Variants in EYS observed in about 807,000 individuals in gnomAD.
EYS encodes the protein protein eyes shut homolog.
EYS carries 250 observed loss-of-function variants against 282.1 expected under a neutral mutation model. The ratio of observed to expected loss-of-function variants is 0.89; its 90% CI spans 0.80 to 0.98. The LOEUF (loss-of-function observed/expected upper bound fraction) is 0.98, where lower values mean the gene tolerates loss of function less well. EYS is among the 50% of genes least tolerant of loss of function. The probability of loss-of-function intolerance (pLI) is 0.00; values close to 1 mark genes in which losing one functional copy is unlikely to be tolerated. For synonymous variants in EYS, 1,355 were observed against 1,282.9 expected (o/e 1.06, Z -1.20); for missense variants, 4,016 against 3,709.0 (o/e 1.08, Z -2.15).
intron 11 of EYS, among the ~76,000 whole-genome samples, chr6:65,320,776 A>T (rs898783785): frequency 4.6e-5 from 7 of 151,850 alleles, no homozygotes; most frequent in Non-Finnish European, 8.8e-5. Context: ...GTGGCCCTTA[A>T]CAAGTGGCCT....
intron 2 of EYS, among the ~76,000 whole-genome samples, chr6:65,621,209 AG>A (rs1766477779): frequency 6.6e-6 from 1 of 152,142 alleles, no homozygotes; most frequent in Non-Finnish European, 1.5e-5. Flanking sequence ...TAGGTCGCTC[AG>A]GACTTGCTTT....
At position 65,187,580 on chromosome 6, in the gene EYS, T is replaced by C. The variant is rs187388110; in HGVS notation, c.2023+108283A>G. Reference sequence around the variant, plus strand: ...ATTTGAGAATCAGGGCTTATTCTGTTATTATTTTGTGTTTGCTATGTATTT... The same window carrying C: ...ATTTGAGAATCAGGGCTTATTCTGTCATTATTTTGTGTTTGCTATGTATTT... On this transcript the variant is annotated intron_variant, in intron 12 of 42. Coordinates refer to ENST00000503581, the MANE Select transcript of EYS (RefSeq NM_001142800.2). 7.8e-4 allele frequency among the ~76,000 whole-genome samples: 118 copies of C among 151,860 alleles called. 1 individual carries two copies. The highest frequency in any genetic ancestry group is 2.7e-3 in the African/African-American group (114 of 41,518).
At position 64,617,840 on chromosome 6, in the gene EYS, A is replaced by G. The variant is rs149083424; in HGVS notation, c.3569-307T>C. 7.7e-4 allele frequency among the ~76,000 whole-genome samples: 118 copies of G among 152,316 alleles called. 1 individual carries two copies. The highest frequency in any genetic ancestry group is 2.7e-3 in the African/African-American group (111 of 41,580). On this transcript the variant is annotated intron_variant, in intron 23 of 42. Coordinates refer to ENST00000503581, the MANE Select transcript of EYS (RefSeq NM_001142800.2). Reference sequence around the variant, plus strand: ...CTTATCCGTGGTGCCATTTAACATTACATATTCAAATGTCTTTACTTATTT... The same window carrying G: ...CTTATCCGTGGTGCCATTTAACATTGCATATTCAAATGTCTTTACTTATTT...
At chr6:64,250,813 G>A (rs940951105) in intron 30 of EYS, among the ~76,000 whole-genome samples, 1 of 152,102 alleles carries the variant, frequency 6.6e-6, no homozygotes, top group Non-Finnish European at 1.5e-5. Flanking sequence ...TGAGTTCTAA[G>A]GAAAGAACCA....
intron 8 of EYS, among the ~76,000 whole-genome samples, chr6:65,367,444 T>C (rs1409015633): frequency 1.3e-5 from 2 of 151,738 alleles, no homozygotes; most frequent in Non-Finnish European, 2.9e-5. Flanking sequence ...TTATTTTTCC[T>C]GTTTCAGCAC....
rs1254731281 is a variant in EYS at position 63,989,467 on chromosome 6, G to T, written c.6835-4864C>A. 8.6e-5 allele frequency among the ~76,000 whole-genome samples: 13 copies of T among 151,564 alleles called. No homozygotes were observed. The East Asian group carries it at 2.5e-3, about 29-fold the overall frequency. On this transcript the variant is annotated intron_variant, in intron 34 of 42. Transcript: ENST00000503581. The stretch of plus-strand genomic sequence containing the variant: ...TTATCAAAATTCCCATTCTTTTGCA[G>T]TTAAAGGATCTCTCTCTCCCTCTCT...
intron 30 of EYS, among the ~76,000 whole-genome samples, chr6:64,231,614 G>A (rs1042914778): frequency 3.3e-5 from 5 of 152,000 alleles, no homozygotes; most frequent in African/African-American, 9.7e-5. Context: ...CTAAGCCCAC[G>A]CCTGCATTAT....
chr6:64,815,657 G>A (rs1290622642), intron 21 of EYS, among the ~76,000 whole-genome samples: 1 of 151,942 alleles, frequency 6.6e-6, no homozygotes, highest in Non-Finnish European at 1.5e-5. Flanking sequence ...ATATAATAAA[G>A]TGCTTTCCCA....
intron 29 of EYS, among the ~76,000 whole-genome samples, chr6:64,350,340 A>AAG (rs397823911): frequency 6.6e-6 from 1 of 151,374 alleles, no homozygotes; most frequent in Non-Finnish European, 1.5e-5. Context: ...GCTTAAAAAA[A>AAG]GTTTATTTTA....
intron 32 of EYS, among the ~76,000 whole-genome samples, chr6:64,075,919 G>GCC (rs1471713027): frequency 6.6e-6 from 1 of 151,770 alleles, no homozygotes; most frequent in African/African-American, 2.4e-5. Flanking sequence ...AATCTATGTG[G>GCC]CCCATGGACC....
chr6:64,997,111 A>G (rs1236833735), intron 14 of EYS, among the ~76,000 whole-genome samples: 1 of 152,178 alleles, frequency 6.6e-6, no homozygotes, highest in African/African-American at 2.4e-5. Flanking sequence ...TGACAAATGA[A>G]TATGTACTGA....
At chr6:65,060,703 T>C (rs1773545660) in intron 12 of EYS, among the ~76,000 whole-genome samples, 2 of 151,476 alleles carry the variant, frequency 1.3e-5, no homozygotes, top group African/African-American at 2.4e-5. Flanking sequence ...ACTTTTCTAG[T>C]GTTTACACCT....
chr6:64,077,462 T>C (rs1245490424), intron 32 of EYS, among the ~76,000 whole-genome samples: 1 of 152,038 alleles, frequency 6.6e-6, no homozygotes, highest in Non-Finnish European at 1.5e-5. Flanking sequence ...CTTCCATAAA[T>C]GCAAATGAAG....
chr6:64,412,832 T>C (rs1487556182), intron 28 of EYS: 1 of 152,058 alleles, frequency 6.6e-6, no homozygotes, highest in Non-Finnish European at 1.5e-5. Flanking sequence ...TTCTTTACTA[T>C]GAATAAAACA....
At position 65,044,747 on chromosome 6, in the gene EYS, G is replaced by A. The variant is rs1466358947; in HGVS notation, c.2137+12867C>T. Among the ~76,000 whole-genome samples, 3 of 151,790 alleles carry A rather than the reference G, an allele frequency of 2.0e-5. No individual in the cohort carries two copies. In the East Asian group the frequency reaches 5.8e-4, roughly 30 times the overall value. On this transcript the variant is annotated intron_variant, in intron 13 of 42. Transcript: ENST00000503581. ...GGTTGCTTCCACTGGGGAAAATTGA[G>A]ATTCCCTATGTGTGTGTCATTCAGG...
intron 12 of EYS, among the ~76,000 whole-genome samples, chr6:65,225,195 C>T (rs1398024027): frequency 1.3e-5 from 2 of 150,762 alleles, no homozygotes; most frequent in African/African-American, 2.4e-5. Flanking sequence ...TAGAAAAATA[C>T]AGAGAATTGA....
At chr6:65,390,648 C>T (rs1026548817) in intron 7 of EYS, among the ~76,000 whole-genome samples, 5 of 151,926 alleles carry the variant, frequency 3.3e-5, no homozygotes, top group Non-Finnish European at 5.9e-5. Flanking sequence ...CTTTGGGAGG[C>T]TGAGGCAGGA....
intron 36 of EYS, among the ~76,000 whole-genome samples, chr6:63,863,663 CTTTTCTTTTTTCTTTTTTT>C (rs1772594136): frequency 1.8e-5 from 1 of 55,792 alleles, no homozygotes; most frequent in Non-Finnish European, 3.8e-5. Flanking sequence ...CTTTTCTTTT[CTTTTCTTTTTTCTTTTTTT>C]TTTTTTTTTT....
chr6:65,024,795 T>G (rs1460909467), intron 13 of EYS, among the ~76,000 whole-genome samples: 1 of 152,220 alleles, frequency 6.6e-6, no homozygotes. Context: ...TGATATTGTT[T>G]GAGAGTGCTT....
Sources: gnomAD v4.1 joint callset for allele counts (sites outside exome capture counted in the v4.1 genomes callset) on GRCh38, gnomAD v4.1.1 for gene constraint, MANE v1.5 for transcripts, NCBI Gene and HGNC (gene_info 2026-07-23, HGNC 2026-07-21) for gene names.